PLEKHM3: variants seen among roughly 807,000 people sequenced by gnomAD.
PLEKHM3 encodes pleckstrin homology domain-containing family M member 3.
PLEKHM3 carries 45 observed loss-of-function variants against 81.8 expected under a neutral mutation model. The observed-to-expected ratio is 0.55, with a 90% CI of 0.43 to 0.71. PLEKHM3 has a LOEUF of 0.71. Ranked by LOEUF, PLEKHM3 falls within the 30% of genes least tolerant of loss-of-function variation. The pLI, the probability that PLEKHM3 is intolerant of heterozygous loss-of-function variation, is 0.00. For missense variants in PLEKHM3, 788 were observed against 924.3 expected (o/e 0.85, Z 1.91); for synonymous variants, 352 against 356.4 (o/e 0.99, Z 0.14).
Position 207,931,115 on chromosome 2 carries a change from G to C in PLEKHM3, c.1697C>G (p.Ser566Trp). 1 of 1,608,686 alleles carries C rather than the reference G, an allele frequency of 6.2e-7. No homozygotes were observed. Among genetic ancestry groups the C allele is most frequent in the Non-Finnish European group, 8.5e-7 (1 of 1,176,516 alleles). ...CTCCAGAAACTCCTTGGCCTGCTTC[G>C]ACACCTACAAAACAAGCGTCGTCAG... is the stretch of plus-strand genomic sequence containing the variant. ...HNWDTSKYKVSKQAKEFLEYV... is the reference protein window; with the variant it reads ...HNWDTSKYKVWKQAKEFLEYV... The change falls in exon 5 of 8, where the codon TCG (serine) becomes TGG (tryptophan). Residue 566 changes from serine to tryptophan, a missense_variant. Physicochemically the swap from Ser to Trp is radical, Grantham distance 177 (BLOSUM62 -3). Coordinates refer to ENST00000427836, the MANE Select transcript of PLEKHM3 (RefSeq NM_001080475.3).
In PLEKHM3 at chr2:207,984,639, C is replaced by G. The variant is rs1334746960; in HGVS notation, c.611-7053G>C. Among the ~76,000 whole-genome samples the G allele has an allele frequency of 2.6e-5, 4 of 152,194 alleles. 1 individual carries two copies. Among genetic ancestry groups the G allele is most frequent in the Admixed American group, 2.6e-4 (4 of 15,280 alleles). Reference sequence around the variant, plus strand: ...CAGGTGACCCACCCACCTCGGCCTCCCAAAGTGCTGGGGTAACAGGCATGA... The same window carrying G: ...CAGGTGACCCACCCACCTCGGCCTCGCAAAGTGCTGGGGTAACAGGCATGA... On this transcript the variant is annotated intron_variant, in intron 2 of 7. Coordinates refer to ENST00000427836, the MANE Select transcript of PLEKHM3 (RefSeq NM_001080475.3).
At chr2:207,863,256 T>A (rs1275152731) in intron 6 of PLEKHM3, among the ~76,000 whole-genome samples, 1 of 152,216 alleles carries the variant, frequency 6.6e-6, no homozygotes, top group African/African-American at 2.4e-5. Context: ...CTGTGCCAGA[T>A]GAAGCAGCCC....
At chr2:207,929,837 TG>T in intron 5 of PLEKHM3, 1 of 663,214 alleles carries the variant, frequency 1.5e-6, no homozygotes, top group South Asian at 1.7e-5. Context: ...TGGATCTAAT[TG>T]GATCTCAAAA....
At chr2:207,837,916 A>G (rs2092329653) in intron 7 of PLEKHM3, among the ~76,000 whole-genome samples, 1 of 150,036 alleles carries the variant, frequency 6.7e-6, no homozygotes, top group East Asian at 2.0e-4. Flanking sequence ...GATTACAGGC[A>G]CCCACCACCA....
chr2:207,975,415 C>T (rs1691270959), intron 3 of PLEKHM3, among the ~76,000 whole-genome samples: 1 of 152,030 alleles, frequency 6.6e-6, no homozygotes, highest in African/African-American at 2.4e-5. Context: ...TTTTAAACAA[C>T]ATGTTAAACC....
chr2:207,981,491 G>A (rs562653112), intron 2 of PLEKHM3, among the ~76,000 whole-genome samples: 2 of 152,148 alleles, frequency 1.3e-5, no homozygotes, highest in Admixed American at 6.5e-5. Context: ...GAGTACAGGC[G>A]CACATCATGA....
intron 6 of PLEKHM3, chr2:207,899,894 G>A (rs1476329270): frequency 1.3e-5 from 2 of 152,116 alleles, no homozygotes; most frequent in South Asian, 4.1e-4. Context: ...TCTGGCTCAT[G>A]ATTATGGGCC....
intron 2 of PLEKHM3, among the ~76,000 whole-genome samples, chr2:207,998,009 A>G (rs1692176198): frequency 6.6e-6 from 1 of 152,222 alleles, no homozygotes; most frequent in Admixed American, 6.5e-5. Context: ...GCTTATGAGA[A>G]TACCGGCCTC....
At chr2:207,924,511 C>T (rs796187242) in intron 5 of PLEKHM3, among the ~76,000 whole-genome samples, 102 of 152,130 alleles carry the variant, frequency 6.7e-4, no homozygotes, top group African/African-American at 2.3e-3. Context: ...ATGGTGAAAC[C>T]TGTCTCTACT....
intron 3 of PLEKHM3, among the ~76,000 whole-genome samples, chr2:207,948,545 TG>T (rs1312926216): frequency 2.6e-4 from 18 of 70,112 alleles, no homozygotes; most frequent in African/African-American, 4.7e-4. Context: ...CTATTTTTTT[TG>T]TTTTTTTTTT....
chr2:208,016,055 G>T (rs1410961694), intron 1 of PLEKHM3, among the ~76,000 whole-genome samples: 1 of 152,040 alleles, frequency 6.6e-6, no homozygotes, highest in Non-Finnish European at 1.5e-5. Flanking sequence ...TTAGCTGGTT[G>T]TGGTGGTGGG....
chr2:208,013,447 C>T lies in PLEKHM3; in HGVS notation c.-318-11490G>A, dbSNP rs1692768485. ...AGGAGAATTGCTTAAACCCAGGAGG[C>T]GGAGGTTGTGGTGAGCCGAGATCAC... On this transcript the variant is annotated intron_variant, in intron 1 of 7. Coordinates refer to ENST00000427836, the MANE Select transcript of PLEKHM3 (RefSeq NM_001080475.3). 4.7e-5 allele frequency among the ~76,000 whole-genome samples: 7 copies of T among 150,224 alleles called. No homozygotes were observed. The South Asian group carries it at 1.3e-3, about 27-fold the overall frequency.
In PLEKHM3 at chr2:207,995,996, G is replaced by A. The variant is rs189714849; in HGVS notation, c.610+5034C>T. On this transcript the variant is annotated intron_variant, in intron 2 of 7. Transcript: ENST00000427836. The stretch of plus-strand genomic sequence containing the variant: ...ATTGCCAACTTCGGACAGACTAAAG[G>A]GCAAACCACAGTGATCTCACCAGGC... 9.2e-5 allele frequency among the ~76,000 whole-genome samples: 14 copies of A among 152,258 alleles called. No individual in the cohort carries two copies. The East Asian group carries it at 2.5e-3, about 27-fold the overall frequency.
intron 3 of PLEKHM3, among the ~76,000 whole-genome samples, chr2:207,963,484 G>C (rs1690807303): frequency 6.6e-6 from 1 of 152,174 alleles, no homozygotes; most frequent in African/African-American, 2.4e-5. Flanking sequence ...TGCTGCAGTT[G>C]AGACAAGATT....
chr2:208,014,802 G>A (rs1280223946), intron 1 of PLEKHM3, among the ~76,000 whole-genome samples: 1 of 152,136 alleles, frequency 6.6e-6, no homozygotes, highest in African/African-American at 2.4e-5. Flanking sequence ...GAATTCTGGG[G>A]CTCTGACTGA....
intron 3 of PLEKHM3, among the ~76,000 whole-genome samples, chr2:207,973,671 G>A (rs1387720868): frequency 4.6e-5 from 7 of 152,012 alleles, no homozygotes; most frequent in Non-Finnish European, 5.9e-5. Flanking sequence ...CCCAGGAGGC[G>A]GAGGTTGCAG....
chr2:207,896,486 T>C (rs1688227140), intron 6 of PLEKHM3, among the ~76,000 whole-genome samples: 3 of 152,198 alleles, frequency 2.0e-5, no homozygotes, highest in African/African-American at 7.2e-5. Context: ...TGATGAGAAA[T>C]GATAGGGATT....
chr2:208,001,933 C>T lies in PLEKHM3; in HGVS notation c.-294G>A, dbSNP rs1346900617. The T allele has an allele frequency of 8.1e-6, 3 of 369,314 alleles. No homozygotes were observed. Among genetic ancestry groups the T allele is most frequent in the East Asian group, 5.1e-5 (1 of 19,522 alleles). The allele number at this position is 369,314 out of a possible 1,614,324, so 22.9% of individuals were successfully genotyped here. A position where few individuals can be genotyped will look rare whatever the true frequency, so the allele number is the denominator to read the frequency against. ...AGACAACAGCAAGTACTTGTCAAAG[C>T]AATGCCACGCCAATCCTTGATTTCC... On this transcript the variant is annotated 5_prime_UTR_variant, in exon 2 of 8. Transcript: ENST00000427836.
chr2:207,901,725 T>C (rs1688432588), intron 6 of PLEKHM3, among the ~76,000 whole-genome samples: 1 of 152,234 alleles, frequency 6.6e-6, no homozygotes, highest in Non-Finnish European at 1.5e-5. Flanking sequence ...ATTCATTTTT[T>C]GAAAACCCAC....
Sources: allele counts gnomAD v4.1 joint callset (sites outside exome capture counted in the v4.1 genomes callset), GRCh38; gene constraint gnomAD v4.1.1; transcripts MANE v1.5; gene names NCBI Gene and HGNC (gene_info 2026-07-23, HGNC 2026-07-21).